Variants in PLB1 observed in about 807,000 individuals in gnomAD.
PLB1 encodes the protein phospholipase B1, membrane-associated.
Under a neutral mutation model 227.4 loss-of-function variants are expected in PLB1, and 242 were observed. The observed-to-expected ratio is 1.06, with a 90% CI of 0.96 to 1.18. The LOEUF (loss-of-function observed/expected upper bound fraction) is 1.18, where lower values mean the gene tolerates loss of function less well. PLB1 is among the 50% of genes most tolerant of loss of function. The probability of loss-of-function intolerance (pLI) is 0.00; values close to 1 mark genes in which losing one functional copy is unlikely to be tolerated. For missense variants in PLB1, 1,858 were observed against 1,816.3 expected (o/e 1.02, Z -0.42); for synonymous variants, 757 against 682.2 (o/e 1.11, Z -1.71).
intron 23 of PLB1, 101 bp from the exon 24 acceptor site, chr2:28,581,967 A>T: frequency 8.8e-7 from 1 of 1,135,102 alleles, no homozygotes; most frequent in Non-Finnish European, 1.2e-6. Context: ...TCTCAAAAAA[A>T]GAAAAAAAAA....
intron 1 of PLB1, among the ~76,000 whole-genome samples, chr2:28,496,622 A>G (rs369282746): frequency 9.8e-5 from 15 of 152,336 alleles, no homozygotes; most frequent in African/African-American, 3.6e-4. Flanking sequence ...ACAGATTTCC[A>G]GATGATAAAT....
chr2:28,524,368 C>T lies in PLB1; in HGVS notation c.244-899C>T, dbSNP rs1339794729. On this transcript the variant is annotated intron_variant, in intron 4 of 57. Transcript: ENST00000327757. Reference sequence around the variant, plus strand: ...GGAGCTTACAAAAGGACGTGATTCCCAGTCAAGTTACCACGGTCTCAAATC... The same window carrying T: ...GGAGCTTACAAAAGGACGTGATTCCTAGTCAAGTTACCACGGTCTCAAATC... Among the ~76,000 whole-genome samples, 6 of 152,324 alleles carry T rather than the reference C, an allele frequency of 3.9e-5. No individual in the cohort carries two copies. In the East Asian group the frequency reaches 1.2e-3, roughly 29 times the overall value.
intron 31 of PLB1, among the ~76,000 whole-genome samples, 172 bp from the exon 32 acceptor site, chr2:28,592,489 C>T (rs773003740): frequency 2.6e-5 from 4 of 152,104 alleles, no homozygotes; most frequent in Non-Finnish European, 4.4e-5. Flanking sequence ...TTGTGTCTTA[C>T]GGGAAAACTG....
At chr2:28,624,773 A>C (rs1687506853) in intron 49 of PLB1, among the ~76,000 whole-genome samples, 1 of 131,070 alleles carries the variant, frequency 7.6e-6, no homozygotes, top group Admixed American at 8.1e-5. Context: ...TTACGAAGAA[A>C]GAGCTTGAGG....
chr2:28,554,489 C>CT lies in PLB1; in HGVS notation c.1147+1527dup, dbSNP rs536476788. Among the ~76,000 whole-genome samples the CT allele has an allele frequency of 3.6e-3, 304 of 85,408 alleles. 10 individuals are homozygous for CT. The highest frequency in any genetic ancestry group is 8.9e-3 in the African/African-American group (166 of 18,724). 56.0% of individuals were successfully genotyped at this position (85,408 alleles called of 152,430 possible). On this transcript the variant is annotated intron_variant, in intron 17 of 57. Coordinates refer to ENST00000327757, the MANE Select transcript of PLB1 (RefSeq NM_153021.5). ...CTACAGGCATTATCACCACACCTGC[C>CT]TTTTTTTTTTTTTTTTTTTTTTTTT...
At chr2:28,586,721 T>A (rs1017001667) in intron 26 of PLB1, among the ~76,000 whole-genome samples, 1 of 152,126 alleles carries the variant, frequency 6.6e-6, no homozygotes, top group East Asian at 1.9e-4. Context: ...TAGCTGGACT[T>A]CCTTTATTTT....
At chr2:28,529,513 A>G in intron 7 of PLB1, 106 bp downstream of exon 7, 2 of 1,071,270 alleles carry the variant, frequency 1.9e-6, no homozygotes, top group East Asian at 2.4e-5. Flanking sequence ...GCTTAAAAAT[A>G]GAAGTATTTA....
At position 28,644,095 on chromosome 2, in the gene PLB1, CAT is replaced by C. The variant is rs566347460; in HGVS notation, c.*1035_*1036del. Among the ~76,000 whole-genome samples, 460 of 152,340 alleles carry C rather than the reference CAT, an allele frequency of 3.0e-3. 4 individuals carry two copies. Among genetic ancestry groups the C allele is most frequent in the African/African-American group, 9.2e-3 (384 of 41,578 alleles). Reference sequence around the variant, plus strand: ...CCATTTAAAATGATTAATTGTGTATCATGTGAATTTCACTTCAATAAAAAAGA... The same window carrying C: ...CCATTTAAAATGATTAATTGTGTATCGTGAATTTCACTTCAATAAAAAAGA... On this transcript the variant is annotated 3_prime_UTR_variant, in exon 58 of 58. Transcript: ENST00000327757.
intron 14 of PLB1, among the ~76,000 whole-genome samples, chr2:28,545,802 C>T (rs1463991332): frequency 3.3e-5 from 5 of 152,174 alleles, no homozygotes; most frequent in Middle Eastern, 3.4e-3. Context: ...TGTCTACCCT[C>T]GCAGACACAC....
chr2:28,582,728 A>AC (rs1680251157), intron 25 of PLB1, among the ~76,000 whole-genome samples: 1 of 151,826 alleles, frequency 6.6e-6, no homozygotes, highest in Non-Finnish European at 1.5e-5. Context: ...CTACCCCTGC[A>AC]CCCCGCCTCT....
chr2:28,617,775 G>C lies in PLB1; in HGVS notation c.3244G>C (p.Val1082Leu), dbSNP rs1686403828. The part of the protein sequence containing the change: ...LCTEWKASNS[V>L]PTSVHQLRPA... ...TACAGAGTGGAAGGCTTCCAATAGT[G>C]TTCCAACCTCTGGTGAGTGAAAACA... is the stretch of plus-strand genomic sequence containing the variant. Residue 1082 changes from valine (V) to leucine (L), a missense_variant, in exon 45 of 58, where the codon GTT (valine) becomes CTT (leucine). Transcript: ENST00000327757. 1 of 1,614,016 alleles carries C rather than the reference G, an allele frequency of 6.2e-7. No individual in the cohort carries two copies. The highest frequency in any genetic ancestry group is 8.5e-7 in the Non-Finnish European group (1 of 1,179,844).
rs369900588 is a variant in PLB1, at chr2:28,604,771, G to A, written c.2961+12G>A. 8.1e-6 allele frequency: 13 copies of A among 1,609,840 alleles called. No individual in the cohort carries two copies. Among genetic ancestry groups the A allele is most frequent in the Non-Finnish European group, 1.1e-5 (13 of 1,176,868 alleles). On this transcript the variant is annotated intron_variant, in intron 41 of 57. Coordinates refer to ENST00000327757, the MANE Select transcript of PLB1 (RefSeq NM_153021.5). ...TCCCTGTCCTGGCGGTATGTCCCCTGCCCTCACCCATGGTACTCTTTTAGA... is the reference window on the plus strand; with the variant it reads ...TCCCTGTCCTGGCGGTATGTCCCCTACCCTCACCCATGGTACTCTTTTAGA...
intron 6 of PLB1, 128 bp downstream of exon 6, chr2:28,526,073 G>T: frequency 9.4e-7 from 1 of 1,061,870 alleles, no homozygotes. Context: ...GAAAGGGGAC[G>T]GTGTTCTGAG....
rs115913425 is a variant in PLB1, at chr2:28,547,558, C to A, written c.937-1302C>A. Reference sequence around the variant, plus strand: ...GCACAGATGCTGGGGTAAGATACCGCTGAGGAATCTGAAAATCCTCATGGA... The same window carrying A: ...GCACAGATGCTGGGGTAAGATACCGATGAGGAATCTGAAAATCCTCATGGA... On this transcript the variant is annotated intron_variant, in intron 14 of 57. Coordinates refer to ENST00000327757, the MANE Select transcript of PLB1 (RefSeq NM_153021.5). Among the ~76,000 whole-genome samples, 1,091 of 152,302 alleles carry A rather than the reference C, an allele frequency of 7.2e-3. 16 individuals are homozygous for A. The highest frequency in any genetic ancestry group is 0.025 in the African/African-American group (1,035 of 41,544).
intron 43 of PLB1, among the ~76,000 whole-genome samples, chr2:28,612,497 T>TG (rs370302262): frequency 1.3e-5 from 2 of 151,944 alleles, no homozygotes; most frequent in African/African-American, 4.8e-5. Context: ...ATCTATAAAG[T>TG]GGGGCATTTG....
chr2:28,543,478 C>T (rs1165063260), intron 14 of PLB1, among the ~76,000 whole-genome samples: 1 of 152,210 alleles, frequency 6.6e-6, no homozygotes, highest in South Asian at 2.1e-4. Flanking sequence ...TGCAGCCAGG[C>T]CAGTGAGCAG....
chr2:28,559,321 GC>G (rs376624211), intron 17 of PLB1, among the ~76,000 whole-genome samples: 44 of 152,346 alleles, frequency 2.9e-4, no homozygotes, highest in African/African-American at 9.9e-4. Context: ...TGAAGGTGGG[GC>G]CCAGCCATCT....
In PLB1 at chr2:28,606,549, C is replaced by T. The variant is rs144439645; in HGVS notation, c.3111C>T (p.Pro1037=). The T allele has an allele frequency of 8.7e-6, 14 of 1,614,066 alleles. No homozygotes were observed. The highest frequency in any genetic ancestry group is 8.0e-5 in the African/African-American group (6 of 74,930). The part of the protein sequence containing the change: ...TETLDLRAEM[P]ITCPTQNEPF... ...CCCTGGACCTGAGAGCAGAGATGCC[C>T]ATCACCTGTCCCACTCAGGTAGTAG... Residue 1037 remains proline, a synonymous_variant, in exon 43 of 58, where the codon CCC becomes CCT. Coordinates refer to ENST00000327757, the MANE Select transcript of PLB1 (RefSeq NM_153021.5).
chr2:28,601,343 C>T lies in PLB1; in HGVS notation c.2607+11C>T. The T allele has an allele frequency of 6.2e-7, 1 of 1,610,824 alleles. No homozygotes were observed. Among genetic ancestry groups the T allele is most frequent in the Non-Finnish European group, 8.5e-7 (1 of 1,177,266 alleles). ...TACTGCACAGATTCGGTAATTGGGGCCAGGTCCAGGCCTACTTGTTGTTCC... is the reference window on the plus strand; with the variant it reads ...TACTGCACAGATTCGGTAATTGGGGTCAGGTCCAGGCCTACTTGTTGTTCC... On this transcript the variant is annotated intron_variant, in intron 37 of 57. Coordinates refer to ENST00000327757, the MANE Select transcript of PLB1 (RefSeq NM_153021.5).
Sources: allele counts gnomAD v4.1 joint callset (sites outside exome capture counted in the v4.1 genomes callset), GRCh38; gene constraint gnomAD v4.1.1; transcripts MANE v1.5; gene names NCBI Gene and HGNC (gene_info 2026-07-23, HGNC 2026-07-21).